The following ARNT2 variants were observed in gnomAD, a reference collection of about 807,000 sequenced individuals.
ARNT2 encodes aryl hydrocarbon receptor nuclear translocator 2.
In ARNT2, 36 loss-of-function variants were observed where a neutral mutation model predicts 91.7. The observed-to-expected ratio is 0.39, with a 90% CI of 0.30 to 0.52. The LOEUF is 0.52. ARNT2 is among the 20% of genes least tolerant of loss of function. The pLI is 0.72. For synonymous variants in ARNT2, 365 were observed against 347.1 expected, an observed-to-expected ratio of 1.05 and a Z score of -0.57; for missense variants, 775 against 939.3, an observed-to-expected ratio of 0.83 and a Z score of 2.29.
At chr15:80,537,308 A>G (rs4238523) in intron 8 of ARNT2, among the ~76,000 whole-genome samples, 77,825 of 151,960 alleles carry the variant, frequency 0.51, 21,165 homozygotes, top group African/African-American at 0.7. Context: ...TGAACACAGA[A>G]CTTAGAACAC....
intron 1 of ARNT2, among the ~76,000 whole-genome samples, chr15:80,435,405 C>T (rs866881978): frequency 6.6e-6 from 1 of 152,194 alleles, no homozygotes; most frequent in African/African-American, 2.4e-5. Flanking sequence ...TCAGTCCCTG[C>T]TTCAGAAGCA....
At chr15:80,425,828 A>C (rs1314422656) in intron 1 of ARNT2, among the ~76,000 whole-genome samples, 1 of 152,164 alleles carries the variant, frequency 6.6e-6, no homozygotes, top group African/African-American at 2.4e-5. Context: ...CAGGAGGATC[A>C]CTTAAGCCCA....
chr15:80,433,543 C>G (rs538548330), intron 1 of ARNT2, among the ~76,000 whole-genome samples: 2 of 152,106 alleles, frequency 1.3e-5, no homozygotes, highest in African/African-American at 4.8e-5. Flanking sequence ...ACCACCTCCC[C>G]CCGCCTCGGC....
chr15:80,453,861 C>T (rs542757521), intron 2 of ARNT2, among the ~76,000 whole-genome samples: 7 of 152,314 alleles, frequency 4.6e-5, no homozygotes, highest in African/African-American at 7.2e-5. Context: ...CCCACACCCC[C>T]ATTCCTTGCC....
rs1897302101 is a variant in ARNT2, at chr15:80,508,398, G to A, written c.725+140G>A. On this transcript the variant is annotated intron_variant, in intron 6 of 18. Coordinates refer to ENST00000303329, the MANE Select transcript of ARNT2 (RefSeq NM_014862.4). The stretch of plus-strand genomic sequence containing the variant: ...CAGGGACTTCGTCTTCTTGACCTCA[G>A]CATGCAGATATACAGGATCCTTGGT... 4.3e-6 allele frequency: 3 copies of A among 699,624 alleles called. No homozygotes were observed. The South Asian group carries it at 5.2e-5, about 12-fold the overall frequency. 43.3% of individuals were successfully genotyped at this position (699,624 alleles called of 1,614,324 possible).
At chr15:80,569,200 C>T (rs1596019090) in intron 12 of ARNT2, among the ~76,000 whole-genome samples, 1 of 152,206 alleles carries the variant, frequency 6.6e-6, no homozygotes, top group Non-Finnish European at 1.5e-5. Context: ...TGAGTAAAAA[C>T]CCCTGTCCAG....
chr15:80,433,039 TG>T (rs374983927), intron 1 of ARNT2, among the ~76,000 whole-genome samples: 28 of 152,180 alleles, frequency 1.8e-4, no homozygotes, highest in East Asian at 3.9e-4. Context: ...TAACACAAAA[TG>T]TTTTTTTGGT....
intron 5 of ARNT2, among the ~76,000 whole-genome samples, chr15:80,489,861 C>T (rs1897028837): frequency 6.6e-6 from 1 of 152,122 alleles, no homozygotes; most frequent in Non-Finnish European, 1.5e-5. Flanking sequence ...TTTGAGTCTT[C>T]GTTTCCCCGC....
At chr15:80,514,646 G>A (rs1033630200) in intron 8 of ARNT2, among the ~76,000 whole-genome samples, 3 of 152,222 alleles carry the variant, frequency 2.0e-5, no homozygotes, top group Non-Finnish European at 4.4e-5. Context: ...CAGCACTTTG[G>A]GGGGCCAAGG....
chr15:80,557,770 C>T (rs1276712860), intron 11 of ARNT2, among the ~76,000 whole-genome samples: 2 of 152,128 alleles, frequency 1.3e-5, no homozygotes, highest in East Asian at 3.9e-4. Context: ...TTCTTCTTTC[C>T]TACCCCCCTG....
intron 17 of ARNT2, among the ~76,000 whole-genome samples, chr15:80,587,826 A>C (rs1893201582): frequency 6.6e-6 from 1 of 152,220 alleles, no homozygotes; most frequent in Admixed American, 6.5e-5. Flanking sequence ...CATGTGGCTC[A>C]TGGGGGACAT....
rs4338755 is a variant in ARNT2 at position 80,597,919 on chromosome 15, C to A, written c.*4221C>A. The A allele has an allele frequency of 0.14, 21,076 of 152,780 alleles. 1,862 individuals are homozygous for A. The highest frequency in any genetic ancestry group is 0.25 in the African/African-American group (10,320 of 41,538). The allele number at this position is 152,780 out of a possible 1,614,324, so 9.5% of individuals were successfully genotyped here. ...TAAAATTTCATTACAATAAAAATGA[C>A]TTTGCTCTGAACAACAAATGGCCCA... is the stretch of plus-strand genomic sequence containing the variant. On this transcript the variant is annotated 3_prime_UTR_variant, in exon 19 of 19. Coordinates refer to ENST00000303329, the MANE Select transcript of ARNT2 (RefSeq NM_014862.4).
At chr15:80,583,563 T>C (rs1443264017) in intron 17 of ARNT2, among the ~76,000 whole-genome samples, 1 of 152,222 alleles carries the variant, frequency 6.6e-6, no homozygotes, top group African/African-American at 2.4e-5. Flanking sequence ...ATAGTAATGA[T>C]AGCAGCCTGC....
At chr15:80,409,550 C>T (rs940728315) in intron 1 of ARNT2, among the ~76,000 whole-genome samples, 1 of 151,700 alleles carries the variant, frequency 6.6e-6, no homozygotes, top group East Asian at 1.9e-4. Context: ...CTAATACTTA[C>T]TGAGTAACTA....
chr15:80,462,580 C>T (rs1408398058), intron 3 of ARNT2, among the ~76,000 whole-genome samples: 1 of 152,204 alleles, frequency 6.6e-6, no homozygotes, highest in Non-Finnish European at 1.5e-5. Context: ...TAAAGGCCTT[C>T]CAAGGAGTTC....
chr15:80,574,983 A>C lies in ARNT2; in HGVS notation c.1390-4A>C, dbSNP rs1183035481. ...CTGTTGTGTTTTATTTAATGTGCAA[A>C]TAGGTCCCCGTCCCCAACCTACCAG... On this transcript the variant is annotated splice_region_variant and splice_polypyrimidine_tract_variant and intron_variant, in intron 13 of 18. Coordinates refer to ENST00000303329, the MANE Select transcript of ARNT2 (RefSeq NM_014862.4). 1 of 1,613,714 alleles carries C rather than the reference A, an allele frequency of 6.2e-7. No individual in the cohort carries two copies. Among genetic ancestry groups the C allele is most frequent in the South Asian group, 1.1e-5 (1 of 91,058 alleles).
chr15:80,466,127 G>A (rs1369224805), intron 3 of ARNT2, among the ~76,000 whole-genome samples: 2 of 152,242 alleles, frequency 1.3e-5, no homozygotes, highest in Non-Finnish European at 2.9e-5. Flanking sequence ...TAGCAGACAG[G>A]AGACTCAACG....
chr15:80,517,131 G>A (rs1002564442), intron 8 of ARNT2, among the ~76,000 whole-genome samples: 1 of 151,936 alleles, frequency 6.6e-6, no homozygotes, highest in African/African-American at 2.4e-5. Context: ...TTACAGGGCA[G>A]CATTACTGGT....
chr15:80,542,506 A>G (rs941224544), intron 8 of ARNT2, among the ~76,000 whole-genome samples: 1 of 152,166 alleles, frequency 6.6e-6, no homozygotes, highest in African/African-American at 2.4e-5. Flanking sequence ...CTGCTCCTCA[A>G]TATCTGAGCT....
Sources: allele counts gnomAD v4.1 joint callset (sites outside exome capture counted in the v4.1 genomes callset), GRCh38; gene constraint gnomAD v4.1.1; transcripts MANE v1.5; gene names NCBI Gene and HGNC (gene_info 2026-07-23, HGNC 2026-07-21).